DENND5B: variants seen among roughly 807,000 people sequenced by gnomAD.
DENND5B encodes DENN domain containing 5B, also known as DENN domain-containing protein 5B.
Under a neutral mutation model 140.6 loss-of-function variants are expected in DENND5B, and 34 were observed. The ratio of observed to expected loss-of-function variants is 0.24; its 90% CI spans 0.18 to 0.32. DENND5B has a LOEUF of 0.32. Among genes scored for constraint, DENND5B ranks in the 10% least tolerant of loss-of-function variants. The pLI is 1.00. For synonymous variants in DENND5B, 551 were observed against 562.1 expected (o/e 0.98, Z 0.28); for missense variants, 1,142 against 1,560.2 (o/e 0.73, Z 4.52).
intron 1 of DENND5B, among the ~76,000 whole-genome samples, chr12:31,580,994 A>G (rs1386152463): frequency 2.6e-5 from 4 of 152,116 alleles, no homozygotes; most frequent in Non-Finnish European, 4.4e-5. Flanking sequence ...AGTCCAAGCT[A>G]CTTGGGAGGC....
chr12:31,464,835 G>A (rs1382197307), intron 3 of DENND5B, among the ~76,000 whole-genome samples: 2 of 152,180 alleles, frequency 1.3e-5, no homozygotes, highest in Non-Finnish European at 2.9e-5. Flanking sequence ...AAAGTGCTGA[G>A]ATTACAGGCA....
intron 1 of DENND5B, among the ~76,000 whole-genome samples, chr12:31,588,162 G>C (rs1302029058): frequency 6.6e-6 from 1 of 152,056 alleles, no homozygotes; most frequent in East Asian, 1.9e-4. Context: ...CAGGGTCTTC[G>C]CACTTGCTGT....
At chr12:31,424,815 G>C in intron 9 of DENND5B, 128 bp from the exon 10 acceptor site, 4 of 1,226,218 alleles carry the variant, frequency 3.3e-6, no homozygotes, top group Non-Finnish European at 4.5e-6. Context: ...AATCACCTTG[G>C]GAAAAAAATC....
chr12:31,588,752 A>G (rs3898368), intron 1 of DENND5B, among the ~76,000 whole-genome samples: 86,912 of 152,008 alleles, frequency 0.57, 25,329 homozygotes, highest in East Asian at 0.82. Flanking sequence ...TCTTTACACT[A>G]GAACGTATGC....
intron 1 of DENND5B, among the ~76,000 whole-genome samples, chr12:31,520,120 A>G (rs1315993093): frequency 6.6e-6 from 1 of 152,224 alleles, no homozygotes; most frequent in African/African-American, 2.4e-5. Flanking sequence ...GTCCAATCCT[A>G]TCCATGTACC....
intron 19 of DENND5B, among the ~76,000 whole-genome samples, chr12:31,390,311 A>G (rs1252503607): frequency 6.6e-6 from 1 of 152,242 alleles, no homozygotes; most frequent in Non-Finnish European, 1.5e-5. Context: ...AGTGTTATTA[A>G]GAAAATGAAA....
At chr12:31,587,923 T>C (rs1950453860) in intron 1 of DENND5B, among the ~76,000 whole-genome samples, 1 of 152,144 alleles carries the variant, frequency 6.6e-6, no homozygotes, top group Non-Finnish European at 1.5e-5. Context: ...CTACCCAACA[T>C]GGCAGCCACA....
chr12:31,503,786 T>A (rs2138850106), intron 1 of DENND5B, among the ~76,000 whole-genome samples: 1 of 152,338 alleles, frequency 6.6e-6, no homozygotes, highest in Middle Eastern at 3.4e-3. Flanking sequence ...TTATCATGTT[T>A]GATTTCATGT....
chr12:31,420,160 T>C, intron 11 of DENND5B: 1 of 731,044 alleles, frequency 1.4e-6, no homozygotes, highest in Non-Finnish European at 1.7e-6. Flanking sequence ...AGGGTCTTGC[T>C]CTGTCACCCA....
intron 1 of DENND5B, among the ~76,000 whole-genome samples, chr12:31,578,784 G>A (rs895875197): frequency 2.0e-5 from 3 of 152,190 alleles, no homozygotes; most frequent in Admixed American, 6.5e-5. Context: ...GCAGCAGGGC[G>A]TAGGAAAAAA....
chr12:31,477,106 T>C (rs900352377), intron 3 of DENND5B, among the ~76,000 whole-genome samples: 1 of 151,602 alleles, frequency 6.6e-6, no homozygotes, highest in African/African-American at 2.4e-5. Flanking sequence ...TGCGCACCCA[T>C]AGTCCCAGCT....
intron 1 of DENND5B, among the ~76,000 whole-genome samples, chr12:31,533,909 T>G (rs1303346918): frequency 6.6e-6 from 1 of 151,758 alleles, no homozygotes; most frequent in African/African-American, 2.4e-5. Context: ...TCCTTTAACT[T>G]ATGAAGATTC....
intron 1 of DENND5B, among the ~76,000 whole-genome samples, chr12:31,568,623 T>C (rs909764888): frequency 2.0e-5 from 3 of 152,188 alleles, no homozygotes; most frequent in African/African-American, 7.2e-5. Context: ...ACTCTTAACT[T>C]CTGCTGCCAC....
At chr12:31,513,678 T>C (rs1947510514) in intron 1 of DENND5B, among the ~76,000 whole-genome samples, 1 of 152,162 alleles carries the variant, frequency 6.6e-6, no homozygotes, top group Non-Finnish European at 1.5e-5. Flanking sequence ...TTTTGGGTTT[T>C]TGAGCACTTC....
intron 13 of DENND5B, among the ~76,000 whole-genome samples, chr12:31,410,987 G>C (rs895525714): frequency 6.6e-6 from 1 of 151,328 alleles, no homozygotes; most frequent in African/African-American, 2.4e-5. Context: ...TAGCAGGATT[G>C]TAAGTGATTA....
chr12:31,535,223 C>T, intron 1 of DENND5B: 1 of 232,030 alleles, frequency 4.3e-6, no homozygotes, highest in Non-Finnish European at 8.5e-6. Context: ...TGAACATCTG[C>T]CTCTTGTGCT....
At chr12:31,461,712 A>AT (rs1205833153) in intron 3 of DENND5B, among the ~76,000 whole-genome samples, 1 of 152,216 alleles carries the variant, frequency 6.6e-6, no homozygotes, top group Non-Finnish European at 1.5e-5. Flanking sequence ...TTGCTGATGA[A>AT]TGAGTTACAA....
At chr12:31,491,647 CTGTT>C (rs1404364344) in intron 2 of DENND5B, among the ~76,000 whole-genome samples, 4 of 152,054 alleles carry the variant, frequency 2.6e-5, no homozygotes, top group Non-Finnish European at 5.9e-5. Flanking sequence ...CATACATTGA[CTGTT>C]TATTGTATTG....
chr12:31,431,015 G>A (rs1943485521), intron 8 of DENND5B, among the ~76,000 whole-genome samples: 2 of 152,098 alleles, frequency 1.3e-5, no homozygotes, highest in Admixed American at 1.3e-4. Flanking sequence ...AACATCTGGA[G>A]GAAAAAACAT....
Sources: allele counts gnomAD v4.1 joint callset (sites outside exome capture counted in the v4.1 genomes callset), GRCh38; gene constraint gnomAD v4.1.1; transcripts MANE v1.5; gene names NCBI Gene and HGNC (gene_info 2026-07-23, HGNC 2026-07-21).